The following PCDH15 variants were observed in gnomAD, a reference collection of about 807,000 sequenced individuals.
PCDH15 encodes protocadherin-15.
PCDH15 carries 129 observed loss-of-function variants against 178.5 expected under a neutral mutation model. That is an observed-to-expected ratio of 0.72 (90% CI 0.63 to 0.84). PCDH15 has a LOEUF of 0.84. PCDH15 is among the 40% of genes least tolerant of loss of function. The probability of loss-of-function intolerance (pLI) is 0.00; values close to 1 mark genes in which losing one functional copy is unlikely to be tolerated. For missense variants in PCDH15, 2,230 were observed against 2,099.9 expected, an observed-to-expected ratio of 1.06 and a Z score of -1.21; for synonymous variants, 800 against 732.0, an observed-to-expected ratio of 1.09 and a Z score of -1.50.
chr10:55,469,872 A>T (rs1164015019), intron 2 of PCDH15, among the ~76,000 whole-genome samples: 2 of 152,162 alleles, frequency 1.3e-5, no homozygotes, highest in South Asian at 2.1e-4. Flanking sequence ...GCCAATATAT[A>T]AAATTAAATA....
At chr10:53,839,363 T>C (rs2077503828) in intron 29 of PCDH15, among the ~76,000 whole-genome samples, 1 of 152,006 alleles carries the variant, frequency 6.6e-6, no homozygotes, top group South Asian at 2.1e-4. Flanking sequence ...AATTCAGAAT[T>C]TATTAATTTG....
At chr10:54,169,191 T>A (rs1185738436) in intron 13 of PCDH15, among the ~76,000 whole-genome samples, 1 of 137,664 alleles carries the variant, frequency 7.3e-6, no homozygotes, top group Non-Finnish European at 1.6e-5. Context: ...GCTGACTGAC[T>A]CCTTCCCAGA....
chr10:54,424,373 G>A (rs1955961930), intron 3 of PCDH15, among the ~76,000 whole-genome samples: 1 of 151,864 alleles, frequency 6.6e-6, no homozygotes, highest in Non-Finnish European at 1.5e-5. Flanking sequence ...GTGCTGGAGA[G>A]GATATGGAGA....
At position 54,065,940 on chromosome 10, in the gene PCDH15, C is replaced by G. The variant is rs112128670; in HGVS notation, c.2220+817G>C. ...ACAGTAGAGAAGCCTCACTTGAAAGCACCAGCACGCCTTCTGTGGAAAAGT... is the reference window on the plus strand; with the variant it reads ...ACAGTAGAGAAGCCTCACTTGAAAGGACCAGCACGCCTTCTGTGGAAAAGT... On this transcript the variant is annotated intron_variant, in intron 18 of 37. Coordinates refer to ENST00000644397, the MANE Select transcript of PCDH15 (RefSeq NM_001384140.1). 4.9e-3 allele frequency among the ~76,000 whole-genome samples: 741 copies of G among 152,252 alleles called. 7 individuals carry two copies. The highest frequency in any genetic ancestry group is 0.02 in the Middle Eastern group (6 of 294).
chr10:53,934,780 G>A (rs1476554741), intron 25 of PCDH15, among the ~76,000 whole-genome samples: 1 of 152,118 alleles, frequency 6.6e-6, no homozygotes, highest in Non-Finnish European at 1.5e-5. Context: ...GGCAGCAAGA[G>A]CACTTTCTCT....
At chr10:55,317,016 G>T (rs1296697196) in intron 1 of PCDH15, among the ~76,000 whole-genome samples, 4 of 152,032 alleles carry the variant, frequency 2.6e-5, no homozygotes, top group Non-Finnish European at 5.9e-5. Context: ...CTTAAAGCTG[G>T]CTTAGCTTTT....
chr10:55,014,063 C>T (rs961300090), intron 2 of PCDH15, among the ~76,000 whole-genome samples: 1 of 151,798 alleles, frequency 6.6e-6, no homozygotes, highest in Non-Finnish European at 1.5e-5. Flanking sequence ...TTACTTAAGG[C>T]AAAAGGCAAA....
chr10:55,038,268 A>C (rs2131973971), intron 2 of PCDH15, among the ~76,000 whole-genome samples: 1 of 152,340 alleles, frequency 6.6e-6, no homozygotes, highest in East Asian at 1.9e-4. Flanking sequence ...ATTTCAAAAT[A>C]AGAAAACTTT....
intron 2 of PCDH15, among the ~76,000 whole-genome samples, chr10:55,621,808 A>G (rs1190880093): frequency 6.8e-6 from 1 of 147,120 alleles, no homozygotes; most frequent in African/African-American, 2.5e-5. Context: ...TGGTAATTAC[A>G]AAAAAAAAAG....
chr10:54,545,070 T>C (rs767949807), intron 2 of PCDH15, among the ~76,000 whole-genome samples: 1 of 152,012 alleles, frequency 6.6e-6, no homozygotes, highest in African/African-American at 2.4e-5. Flanking sequence ...AGCCCCAGAA[T>C]GGATTAGAAA....
At chr10:55,192,265 T>G (rs1839962723) in intron 1 of PCDH15, among the ~76,000 whole-genome samples, 1 of 151,808 alleles carries the variant, frequency 6.6e-6, no homozygotes, top group African/African-American at 2.4e-5. Context: ...ACTGGGGGGT[T>G]ATATACAGTG....
intron 2 of PCDH15, among the ~76,000 whole-genome samples, chr10:55,580,996 G>A (rs1422426687): frequency 2.0e-5 from 3 of 152,094 alleles, no homozygotes; most frequent in Non-Finnish European, 4.4e-5. Flanking sequence ...GAGATACGTT[G>A]CTTATCCAAT....
chr10:53,832,044 A>G (rs1366517609), intron 29 of PCDH15, among the ~76,000 whole-genome samples: 1 of 151,412 alleles, frequency 6.6e-6, no homozygotes, highest in Non-Finnish European at 1.5e-5. Context: ...CAAACTCTGT[A>G]TTTGTTTGCC....
chr10:54,664,597 A>G (rs1002590804), intron 1 of PCDH15, among the ~76,000 whole-genome samples: 3 of 152,074 alleles, frequency 2.0e-5, no homozygotes, highest in African/African-American at 7.2e-5. Flanking sequence ...ATTATGGGTA[A>G]GTCCAATGTT....
intron 1 of PCDH15, among the ~76,000 whole-genome samples, chr10:55,255,213 T>G (rs1335394269): frequency 8.0e-6 from 1 of 125,040 alleles, no homozygotes; most frequent in Non-Finnish European, 1.7e-5. Context: ...TTTGGTTTTT[T>G]GTCCTTGTGA....
chr10:54,994,106 C>T (rs1839577216), intron 2 of PCDH15, among the ~76,000 whole-genome samples: 1 of 152,108 alleles, frequency 6.6e-6, no homozygotes, highest in South Asian at 2.1e-4. Flanking sequence ...GATGTTGAGT[C>T]TCTTCAAAAT....
intron 18 of PCDH15, among the ~76,000 whole-genome samples, chr10:54,045,350 C>G (rs189873546): frequency 1.5e-3 from 224 of 152,188 alleles, no homozygotes; most frequent in Non-Finnish European, 1.6e-3. Context: ...CCCATTAAAC[C>G]AATATTTATG....
intron 29 of PCDH15, among the ~76,000 whole-genome samples, chr10:53,836,943 T>C (rs1269619648): frequency 6.6e-6 from 1 of 152,102 alleles, no homozygotes; most frequent in African/African-American, 2.4e-5. Context: ...AATAATCTAA[T>C]AGAAATGCTA....
At position 55,176,390 on chromosome 10, in the gene PCDH15, C is replaced by A. The variant is rs1418583415; in HGVS notation, c.-155-9739G>T. Among the ~76,000 whole-genome samples the A allele has an allele frequency of 2.0e-5, 3 of 152,176 alleles. No homozygotes were observed. In the East Asian group the frequency reaches 5.8e-4, roughly 30 times the overall value. Reference sequence around the variant, plus strand: ...TCCAGGGTATACTCTTTGTCTTCCCCCTGGTGGAGACTGATATTAACTCAA... The same window carrying A: ...TCCAGGGTATACTCTTTGTCTTCCCACTGGTGGAGACTGATATTAACTCAA... On this transcript the variant is annotated intron_variant, in intron 1 of 5. Coordinates refer to the PCDH15 transcript ENST00000458638.
Sources: allele counts gnomAD v4.1 joint callset (sites outside exome capture counted in the v4.1 genomes callset), GRCh38; gene constraint gnomAD v4.1.1; transcripts MANE v1.5; gene names NCBI Gene and HGNC (gene_info 2026-07-23, HGNC 2026-07-21).